PLCB1: variants seen among roughly 807,000 people sequenced by gnomAD.
The protein encoded by PLCB1 is 1-phosphatidylinositol 4,5-bisphosphate phosphodiesterase beta-1.
In PLCB1, 46 loss-of-function variants were observed where a neutral mutation model predicts 161.8. The ratio of observed to expected loss-of-function variants is 0.28; its 90% confidence interval spans 0.22 to 0.36. PLCB1 has a LOEUF of 0.36. Among genes scored for constraint, PLCB1 ranks in the 10% least tolerant of loss-of-function variants. The probability of loss-of-function intolerance (pLI) is 1.00; values close to 1 mark genes in which losing one functional copy is unlikely to be tolerated. For synonymous variants in PLCB1, 517 were observed against 503.7 expected (o/e 1.03, Z -0.35); for missense variants, 1,016 against 1,472.5 (o/e 0.69, Z 5.07).
chr20:8,666,720 A>T (rs1292849169), intron 9 of PLCB1, among the ~76,000 whole-genome samples: 1 of 152,230 alleles, frequency 6.6e-6, no homozygotes, highest in Admixed American at 6.5e-5. Flanking sequence ...TTTAGAAGTT[A>T]GTGATCGATG....
chr20:8,368,962 TG>T (rs1194892366), intron 2 of PLCB1, among the ~76,000 whole-genome samples: 1 of 151,314 alleles, frequency 6.6e-6, no homozygotes, highest in Non-Finnish European at 1.5e-5. Context: ...AGCCAATGTC[TG>T]TAGGGCACTT....
Position 8,684,939 on chromosome 20 carries a change from A to G in PLCB1, c.870A>G (p.Ile290Met). 1 of 1,613,230 alleles carries G rather than the reference A, an allele frequency of 6.2e-7. No homozygotes were observed. The highest frequency in any genetic ancestry group is 8.5e-7 in the Non-Finnish European group (1 of 1,179,354). Reference sequence around the variant, plus strand: ...TAACTTCATTTCCTCCAGGACAAATATCAGTGGATGGGTTCATGCGCTATC... The same window carrying G: ...TAACTTCATTTCCTCCAGGACAAATGTCAGTGGATGGGTTCATGCGCTATC... ...PNNSLARKGQ[I>M]SVDGFMRYLS... is the part of the protein sequence containing the mutation. The change falls in exon 10 of 32, where the codon ATA becomes ATG. Residue 290 changes from isoleucine to methionine, a missense_variant. Transcript: ENST00000338037.
At position 8,714,177 on chromosome 20, in the gene PLCB1, C is replaced by T. The variant is rs192273438; in HGVS notation, c.1251-2087C>T. ...AAGAGGGCTTGTTATGATGCAGACTCCTGGACTCCACTGTCCCGGAGTCTC... is the reference window on the plus strand; with the variant it reads ...AAGAGGGCTTGTTATGATGCAGACTTCTGGACTCCACTGTCCCGGAGTCTC... On this transcript the variant is annotated intron_variant, in intron 12 of 31. Transcript: ENST00000338037. 2.9e-3 allele frequency among the ~76,000 whole-genome samples: 445 copies of T among 152,216 alleles called. 4 individuals are homozygous for T. Among genetic ancestry groups the T allele is most frequent in the African/African-American group, 0.01 (421 of 41,544 alleles).
At chr20:8,676,713 G>A (rs1281968864) in intron 9 of PLCB1, among the ~76,000 whole-genome samples, 1 of 152,154 alleles carries the variant, frequency 6.6e-6, no homozygotes. Context: ...TTCAAGCACA[G>A]CAAACACATC....
chr20:8,381,365 G>A (rs1010004021), intron 3 of PLCB1, among the ~76,000 whole-genome samples: 1 of 152,096 alleles, frequency 6.6e-6, no homozygotes, highest in Admixed American at 6.6e-5. Flanking sequence ...GAGGATTTTT[G>A]CATCGATGTT....
intron 4 of PLCB1, among the ~76,000 whole-genome samples, chr20:8,629,851 TTCTTTCTTTCTTTCTTTCTTTCTTTCTC>T (rs1568535963): frequency 2.0e-5 from 2 of 98,960 alleles, no homozygotes; most frequent in African/African-American, 8.8e-5. Flanking sequence ...CTTTCTTTCT[TTCTTTCTTTCTTTCTTTCTTTCTTTCTC>T]TCTCTCTTTC....
intron 3 of PLCB1, among the ~76,000 whole-genome samples, chr20:8,542,485 A>G (rs1216329324): frequency 6.6e-6 from 1 of 152,178 alleles, no homozygotes; most frequent in East Asian, 1.9e-4. Context: ...CTTGGCTGTG[A>G]ATATGGCCTG....
At chr20:8,220,792 A>G (rs1027488988) in intron 2 of PLCB1, among the ~76,000 whole-genome samples, 7 of 152,212 alleles carry the variant, frequency 4.6e-5, no homozygotes, top group Non-Finnish European at 1.0e-4. Flanking sequence ...TGGGGGCCCT[A>G]GGAAACTAAT....
chr20:8,464,302 C>G (rs530399322), intron 3 of PLCB1, among the ~76,000 whole-genome samples: 21 of 152,188 alleles, frequency 1.4e-4, no homozygotes, highest in African/African-American at 4.8e-4. Flanking sequence ...GTTGTGCTTC[C>G]TAAATCTGAG....
intron 2 of PLCB1, among the ~76,000 whole-genome samples, chr20:8,277,977 T>A (rs948810437): frequency 1.3e-5 from 2 of 152,062 alleles, no homozygotes; most frequent in African/African-American, 4.8e-5. Context: ...CCACCAATCC[T>A]ACCTCTGAAA....
rs150222993 is a variant in PLCB1 at position 8,795,732 on chromosome 20, A to G, written c.3423+5471A>G. 5.3e-3 allele frequency among the ~76,000 whole-genome samples: 813 copies of G among 152,208 alleles called. 5 individuals are homozygous for G. The highest frequency in any genetic ancestry group is 0.018 in the African/African-American group (751 of 41,544). On this transcript the variant is annotated intron_variant, in intron 31 of 31. Coordinates refer to ENST00000338037, the MANE Select transcript of PLCB1 (RefSeq NM_015192.4). ...CTCTACCAAAATACAAAAATTAGCC[A>G]GGTGTGGTGGTGGGCGCTGGTAGTC...
At position 8,790,236 on chromosome 20, in the gene PLCB1, A is replaced by G; in HGVS notation, c.3398A>G (p.Gln1133Arg). ...GTAGAGAAACACAAGGAAATACGTC[A>G]GCAGATCCTGGATGAAAAGCCCAAG... ...KLVEKHKEIR[Q>R]QILDEKPKLQ... Residue 1133 changes from glutamine (Q) to arginine (R), a missense_variant, in exon 31 of 32, where the codon CAG becomes CGG. Gln to Arg is a conservative substitution (Grantham distance 43). Around this residue, in one of 10 missense-constraint regions of PLCB1, gnomAD observed 398 missense variants for 445.4 expected, o/e 0.89. Transcript: ENST00000338037. 2 of 1,611,686 alleles carry G rather than the reference A, an allele frequency of 1.2e-6. No individual in the cohort carries two copies. The highest frequency in any genetic ancestry group is 1.7e-5 in the Admixed American group (1 of 59,978).
chr20:8,551,997 G>T (rs1264423390), intron 3 of PLCB1, among the ~76,000 whole-genome samples: 3 of 152,186 alleles, frequency 2.0e-5, no homozygotes, highest in Non-Finnish European at 4.4e-5. Flanking sequence ...CCAGGCTTGT[G>T]TAAGACTGTT....
rs752194245 is a variant in PLCB1, at chr20:8,308,339, G to A, written c.178-63043G>A. On this transcript the variant is annotated intron_variant, in intron 2 of 31. Coordinates refer to ENST00000338037, the MANE Select transcript of PLCB1 (RefSeq NM_015192.4). ...AGTAAAGAACTATGAATGTTCAGCC[G>A]GGCGCAGTGGCTCATGCCTGTAATC... is the stretch of plus-strand genomic sequence containing the variant. Among the ~76,000 whole-genome samples, 19 of 151,726 alleles carry A rather than the reference G, an allele frequency of 1.3e-4. No individual in the cohort carries two copies. In the East Asian group the frequency reaches 2.5e-3, roughly 20 times the overall value.
intron 4 of PLCB1, among the ~76,000 whole-genome samples, chr20:8,636,844 C>T (rs1180884784): frequency 6.6e-6 from 1 of 152,160 alleles, no homozygotes; most frequent in Non-Finnish European, 1.5e-5. Context: ...GCCCACCTCT[C>T]CCCTGAAAGA....
intron 3 of PLCB1, among the ~76,000 whole-genome samples, chr20:8,521,633 A>T (rs1600124591): frequency 6.6e-6 from 1 of 152,114 alleles, no homozygotes; most frequent in Non-Finnish European, 1.5e-5. Flanking sequence ...AAGCTCAGGA[A>T]GTTGAGGCTG....
chr20:8,694,431 T>A (rs964068110), intron 10 of PLCB1, among the ~76,000 whole-genome samples: 5 of 152,166 alleles, frequency 3.3e-5, no homozygotes, highest in Non-Finnish European at 5.9e-5. Flanking sequence ...TATTCTTCAG[T>A]TTTTTTCCCC....
chr20:8,666,793 A>T (rs952263360), intron 9 of PLCB1, among the ~76,000 whole-genome samples: 22 of 152,122 alleles, frequency 1.4e-4, no homozygotes. Flanking sequence ...TCTTCTAACA[A>T]AGTCTCGTGA....
intron 3 of PLCB1, among the ~76,000 whole-genome samples, chr20:8,562,077 T>A (rs192512696): frequency 1.3e-5 from 2 of 152,124 alleles, no homozygotes; most frequent in Admixed American, 1.3e-4. Context: ...CTAAGTGAAC[T>A]CATAGCTTAG....
Sources: allele counts gnomAD v4.1 joint callset (sites outside exome capture counted in the v4.1 genomes callset), GRCh38; gene constraint gnomAD v4.1.1; regional missense constraint gnomAD v4.1.1; transcripts MANE v1.5; gene names NCBI Gene and HGNC (gene_info 2026-07-23, HGNC 2026-07-21).